The following NAA15 variants were observed in gnomAD, a reference collection of about 807,000 sequenced individuals.
The protein encoded by NAA15 is N-alpha-acetyltransferase 15, NatA auxiliary subunit.
A neutral mutation model predicts 114.0 loss-of-function variants in NAA15; 34 were observed. That is an observed-to-expected ratio of 0.30 (90% CI 0.23 to 0.40). The LOEUF is 0.40. Among genes scored for constraint, NAA15 ranks in the 10% least tolerant of loss-of-function variants. The pLI is 1.00. For synonymous variants in NAA15, 340 were observed against 338.0 expected (o/e 1.01, Z -0.06); for missense variants, 658 against 1,004.5 (o/e 0.66, Z 4.66).
At chr4:139,384,732 G>A (rs1748848152) in intron 17 of NAA15, 100 bp from the exon 18 acceptor site, 1 of 746,292 alleles carries the variant, frequency 1.3e-6, no homozygotes, top group East Asian at 3.5e-5. Context: ...TCCAGCCTGG[G>A]TGATAGAGCA....
At chr4:139,321,103 T>A (rs1003196595) in intron 1 of NAA15, among the ~76,000 whole-genome samples, 11 of 152,132 alleles carry the variant, frequency 7.2e-5, no homozygotes, top group Non-Finnish European at 1.0e-4. Context: ...TCTTCTGTTT[T>A]TCTTATTTTT....
At chr4:139,385,486 A>G (rs1215834143) in intron 18 of NAA15, among the ~76,000 whole-genome samples, 1 of 151,584 alleles carries the variant, frequency 6.6e-6, no homozygotes, top group Non-Finnish European at 1.5e-5. Context: ...TTTTTTCATC[A>G]TTGGGCTCTT....
rs1579101714 is a variant in NAA15 at position 139,334,234 on chromosome 4, A to G, written c.115A>G (p.Asn39Asp). ...GAAATTCTGTAAACAAATACTTTCT[A>G]ATCCCAAATTTGCAGAGCATGGAGG... ...GLKFCKQILS[N>D]PKFAEHGETL... Residue 39 changes from asparagine (N) to aspartate (D), a missense_variant, in exon 2 of 20, where the codon AAT (asparagine) becomes GAT (aspartate). Physicochemically the swap from Asn to Asp is conservative, Grantham distance 23. Around this residue, in one of 6 missense-constraint regions of NAA15, gnomAD observed 75 missense variants for 172.3 expected, o/e 0.44. Coordinates refer to ENST00000296543, the MANE Select transcript of NAA15 (RefSeq NM_057175.5). The G allele has an allele frequency of 6.2e-7, 1 of 1,603,250 alleles. No homozygotes were observed. The highest frequency in any genetic ancestry group is 8.5e-7 in the Non-Finnish European group (1 of 1,175,660).
intron 17 of NAA15, 62 bp from the exon 18 acceptor site, chr4:139,384,770 T>C (rs1397972264): frequency 5.3e-6 from 6 of 1,137,482 alleles, no homozygotes; most frequent in Non-Finnish European, 7.0e-6. Context: ...CAAACAAAAA[T>C]AAACTTTTGT....
chr4:139,302,204 C>G (rs1337326117), intron 1 of NAA15: 1 of 229,210 alleles, frequency 4.4e-6, no homozygotes, highest in East Asian at 9.1e-5. Context: ...ACCCTGCTGG[C>G]AGGTCGGGGT....
chr4:139,387,735 T>C, intron 19 of NAA15, 149 bp from the exon 20 acceptor site: 1 of 641,508 alleles, frequency 1.6e-6, no homozygotes, highest in Non-Finnish European at 2.7e-6. Context: ...TTGAAGAACA[T>C]TCTAATAGAA....
At position 139,301,704 on chromosome 4, in the gene NAA15, C is replaced by T; in HGVS notation, c.-74C>T. The T allele has an allele frequency of 6.7e-7, 1 of 1,499,082 alleles. No individual in the cohort carries two copies. The highest frequency in any genetic ancestry group is 9.0e-7 in the Non-Finnish European group (1 of 1,108,178). The allele number at this position is 1,499,082 out of a possible 1,614,324, so 92.9% of individuals were successfully genotyped here. Reference sequence around the variant, plus strand: ...ATTCAAGGCTGAAGCAGCTACGGAACGGCAGCGGCGGCGGTCGGACAAACT... The same window carrying T: ...ATTCAAGGCTGAAGCAGCTACGGAATGGCAGCGGCGGCGGTCGGACAAACT... On this transcript the variant is annotated 5_prime_UTR_variant, in exon 1 of 20. In the 5' UTR this introduces an upstream ATG that the reference lacks. Transcript: ENST00000296543.
chr4:139,324,158 A>T (rs1337357815), intron 1 of NAA15, among the ~76,000 whole-genome samples: 1 of 152,216 alleles, frequency 6.6e-6, no homozygotes, highest in East Asian at 1.9e-4. Context: ...CTGCAGTTAC[A>T]GGCATGAGTC....
At chr4:139,322,482 T>C (rs376362536) in intron 1 of NAA15, among the ~76,000 whole-genome samples, 5 of 152,332 alleles carry the variant, frequency 3.3e-5, no homozygotes, top group African/African-American at 1.2e-4. Context: ...ATTAATCTTA[T>C]TCCTAAGGTG....
chr4:139,332,572 GTTTTTTTTTTTTTTTT>G (rs1164115947), intron 1 of NAA15, among the ~76,000 whole-genome samples: 6 of 62,028 alleles, frequency 9.7e-5, no homozygotes, highest in African/African-American at 2.3e-4. Flanking sequence ...TGGTTTGTAT[GTTTTTTTTTTTTTTTT>G]TTTTTTTTTT....
intron 1 of NAA15, 81 bp from the exon 2 acceptor site, chr4:139,334,093 C>T: frequency 2.5e-6 from 2 of 815,726 alleles, no homozygotes; most frequent in Non-Finnish European, 4.0e-6. Flanking sequence ...TTGTATTTAA[C>T]AGAGTAGAGA....
chr4:139,361,153 AG>A (rs1748120678), intron 13 of NAA15, among the ~76,000 whole-genome samples: 1 of 152,160 alleles, frequency 6.6e-6, no homozygotes, highest in South Asian at 2.1e-4. Flanking sequence ...AGATAAACAT[AG>A]TTTATATAAC....
Position 139,341,088 on chromosome 4 carries a change from T to C in NAA15, c.402+19T>C, listed in dbSNP as rs879921612. ...TTACAGGGTAAGTAAAATAGAGACT[T>C]TTTTTTTTAATTCTAAGGGGAAAAT... is the stretch of plus-strand genomic sequence containing the variant. On this transcript the variant is annotated intron_variant, in intron 4 of 19. Transcript: ENST00000296543. 19 of 1,444,664 alleles carry C rather than the reference T, an allele frequency of 1.3e-5. No homozygotes were observed. Among genetic ancestry groups the C allele is most frequent in the Admixed American group, 2.6e-5 (1 of 38,764 alleles). The allele number at this position is 1,444,664 out of a possible 1,614,324, so 89.5% of individuals were successfully genotyped here.
At chr4:139,328,992 C>T (rs1449765642) in intron 1 of NAA15, among the ~76,000 whole-genome samples, 1 of 152,026 alleles carries the variant, frequency 6.6e-6, no homozygotes, top group Non-Finnish European at 1.5e-5. Flanking sequence ...GCCTCAGCCT[C>T]CCAAGTAGCT....
At chr4:139,336,807 T>A (rs1200552787) in intron 2 of NAA15, 41 bp from the exon 3 acceptor site, 9 of 1,210,046 alleles carry the variant, frequency 7.4e-6, no homozygotes, top group Non-Finnish European at 1.0e-5. Context: ...TAATATTTAT[T>A]TTTTTAAAAT....
At chr4:139,366,878 G>A (rs1193655301) in intron 14 of NAA15, among the ~76,000 whole-genome samples, 1 of 152,054 alleles carries the variant, frequency 6.6e-6, no homozygotes, top group Non-Finnish European at 1.5e-5. Context: ...CAAAGTGCTG[G>A]GATTACAGGC....
At position 139,370,213 on chromosome 4, in the gene NAA15, A is replaced by G. The variant is rs1350535428; in HGVS notation, c.1756A>G (p.Asn586Asp). ...ENKEHEADTANMSDKELKKLR... is the reference protein window; with the variant it reads ...ENKEHEADTADMSDKELKKLR... ...ATTAATTAACTTATTGCCTGCAGCA[A>G]ACATGTCTGACAAAGAGCTAAAGAA... The change falls in exon 15 of 20, where the codon AAC becomes GAC. Residue 586 changes from asparagine (N) to aspartate (D), a missense_variant and splice_region_variant. Transcript: ENST00000296543. 2.6e-6 allele frequency: 4 copies of G among 1,532,544 alleles called. No individual in the cohort carries two copies. The highest frequency in any genetic ancestry group is 2.3e-5 in the East Asian group (1 of 43,644). 94.9% of individuals were successfully genotyped at this position (1,532,544 alleles called of 1,614,324 possible).
At position 139,358,807 on chromosome 4, in the gene NAA15, A is replaced by G. The variant is rs1050062215; in HGVS notation, c.1258-936A>G. ...TGGCTATGCCTTTTATGACTTTCAC[A>G]TTTAATTATGTTTTGACTTCTAGTA... On this transcript the variant is annotated intron_variant, in intron 11 of 19. Coordinates refer to ENST00000296543, the MANE Select transcript of NAA15 (RefSeq NM_057175.5). 2.0e-5 allele frequency among the ~76,000 whole-genome samples: 3 copies of G among 152,102 alleles called. 1 individual carries two copies. Among genetic ancestry groups the G allele is most frequent in the Non-Finnish European group, 2.9e-5 (2 of 68,034 alleles).
chr4:139,310,630 AT>A (rs954569565), intron 1 of NAA15, among the ~76,000 whole-genome samples: 10 of 151,236 alleles, frequency 6.6e-5, no homozygotes, highest in Admixed American at 6.6e-4. Context: ...TTTTATTATT[AT>A]TTTTTGAGAC....
Sources: allele counts gnomAD v4.1 joint callset (sites outside exome capture counted in the v4.1 genomes callset), GRCh38; gene constraint gnomAD v4.1.1; regional missense constraint gnomAD v4.1.1; transcripts MANE v1.5; gene names NCBI Gene and HGNC (gene_info 2026-07-23, HGNC 2026-07-21).